STXBP5L: variants seen among roughly 807,000 people sequenced by gnomAD.
The protein encoded by STXBP5L is syntaxin-binding protein 5-like.
In STXBP5L, 65 loss-of-function variants were observed where a neutral mutation model predicts 144.5. The observed-to-expected ratio is 0.45, with a 90% CI of 0.37 to 0.55. The LOEUF (loss-of-function observed/expected upper bound fraction) is 0.55. Ranked by LOEUF, STXBP5L falls within the 20% of genes least tolerant of loss-of-function variation. The pLI, the probability that STXBP5L is intolerant of heterozygous loss-of-function variation, is 0.00. For missense variants in STXBP5L, 1,298 were observed against 1,405.5 expected (o/e 0.92, Z 1.22); for synonymous variants, 505 against 469.6 (o/e 1.08, Z -0.97).
At chr3:121,210,813 A>G (rs2048532319) in intron 10 of STXBP5L, among the ~76,000 whole-genome samples, 1 of 152,202 alleles carries the variant, frequency 6.6e-6, no homozygotes, top group African/African-American at 2.4e-5. Flanking sequence ...TACTAGTACC[A>G]TGCTGTTTTG....
chr3:121,247,332 G>C (rs1366149077), intron 14 of STXBP5L, among the ~76,000 whole-genome samples: 1 of 152,108 alleles, frequency 6.6e-6, no homozygotes, highest in Non-Finnish European at 1.5e-5. Flanking sequence ...GGCTAATCTA[G>C]TTTCTTTTCT....
intron 2 of STXBP5L, among the ~76,000 whole-genome samples, chr3:120,935,190 C>G (rs890652254): frequency 6.6e-6 from 1 of 150,790 alleles, no homozygotes; most frequent in African/African-American, 2.4e-5. Context: ...AGTGGTTGCC[C>G]TTAGGTTTGC....
At chr3:121,385,495 T>C (rs914589033) in intron 22 of STXBP5L, among the ~76,000 whole-genome samples, 11 of 152,150 alleles carry the variant, frequency 7.2e-5, no homozygotes, top group Admixed American at 2.6e-4. Context: ...ACCTCCAACA[T>C]TGGAGATTAC....
intron 5 of STXBP5L, among the ~76,000 whole-genome samples, chr3:121,091,702 A>T (rs2042807501): frequency 6.6e-6 from 1 of 152,140 alleles, no homozygotes; most frequent in Non-Finnish European, 1.5e-5. Context: ...TAGGTTGCGA[A>T]AATTTTCTCC....
chr3:121,338,569 G>A (rs2044589872), intron 20 of STXBP5L, among the ~76,000 whole-genome samples: 1 of 136,912 alleles, frequency 7.3e-6, no homozygotes, highest in East Asian at 2.1e-4. Flanking sequence ...TCTGAACCTG[G>A]GAGGCAGAGG....
chr3:121,037,122 G>T (rs1252170925), intron 3 of STXBP5L, among the ~76,000 whole-genome samples: 2 of 151,642 alleles, frequency 1.3e-5, no homozygotes, highest in African/African-American at 4.8e-5. Context: ...TGTAGAGATG[G>T]GGGTCTCACT....
At chr3:121,023,859 C>T (rs1007141255) in intron 3 of STXBP5L, among the ~76,000 whole-genome samples, 4 of 152,024 alleles carry the variant, frequency 2.6e-5, no homozygotes, top group African/African-American at 9.7e-5. Flanking sequence ...GGGTTCACGC[C>T]ATTCTCCTAC....
chr3:121,287,567 A>T (rs2051273896), intron 19 of STXBP5L, among the ~76,000 whole-genome samples: 1 of 152,058 alleles, frequency 6.6e-6, no homozygotes, highest in African/African-American at 2.4e-5. Flanking sequence ...GCGGTGGCTC[A>T]TGCCTGTAAT....
chr3:121,319,447 T>C (rs2043896165), intron 20 of STXBP5L, among the ~76,000 whole-genome samples: 1 of 152,184 alleles, frequency 6.6e-6, no homozygotes, highest in Non-Finnish European at 1.5e-5. Context: ...AGTTCTTTAT[T>C]CTTATTCTTC....
chr3:121,381,235 A>C (rs2046314599), intron 21 of STXBP5L, 58 bp from the exon 22 acceptor site: 41 of 1,474,722 alleles, frequency 2.8e-5, no homozygotes, highest in Non-Finnish European at 3.7e-5. Context: ...ATTAAATCTG[A>C]TGTTATTGTG....
chr3:120,954,389 T>C (rs1937790856), intron 2 of STXBP5L, among the ~76,000 whole-genome samples: 1 of 152,130 alleles, frequency 6.6e-6, no homozygotes, highest in Non-Finnish European at 1.5e-5. Flanking sequence ...CAATAACTCT[T>C]CAAGACAACT....
chr3:121,121,883 G>C (rs888139675), intron 7 of STXBP5L, among the ~76,000 whole-genome samples, 179 bp downstream of exon 7: 2 of 150,978 alleles, frequency 1.3e-5, no homozygotes, highest in Non-Finnish European at 3.0e-5. Flanking sequence ...TCATGCTACT[G>C]ATGGTCCCAA....
At chr3:121,200,928 G>A (rs544851072) in intron 9 of STXBP5L, among the ~76,000 whole-genome samples, 5 of 152,238 alleles carry the variant, frequency 3.3e-5, no homozygotes, top group South Asian at 4.1e-4. Context: ...TAGAATAAGT[G>A]TTATGTGGCA....
intron 5 of STXBP5L, among the ~76,000 whole-genome samples, chr3:121,107,613 A>T (rs1159242126): frequency 6.6e-6 from 1 of 152,010 alleles, no homozygotes; most frequent in African/African-American, 2.4e-5. Flanking sequence ...TGGTTACTAT[A>T]GCCTTGTGGT....
At chr3:120,977,401 A>G (rs1576547018) in intron 3 of STXBP5L, among the ~76,000 whole-genome samples, 1 of 151,976 alleles carries the variant, frequency 6.6e-6, no homozygotes, top group Non-Finnish European at 1.5e-5. Flanking sequence ...TTGCTTGTAG[A>G]TCTTCCTTCA....
intron 3 of STXBP5L, among the ~76,000 whole-genome samples, chr3:120,979,058 A>T (rs982048913): frequency 3.3e-5 from 5 of 152,186 alleles, no homozygotes; most frequent in Admixed American, 3.3e-4. Context: ...TGCTCGGAGA[A>T]CCACTGCTCT....
chr3:121,031,412 C>CAATG (rs1946362254), intron 3 of STXBP5L, among the ~76,000 whole-genome samples: 1 of 151,676 alleles, frequency 6.6e-6, no homozygotes, highest in Non-Finnish European at 1.5e-5. Flanking sequence ...ATCAATCAAT[C>CAATG]AATCAACTAT....
intron 14 of STXBP5L, among the ~76,000 whole-genome samples, chr3:121,245,794 A>G (rs2049830348): frequency 2.0e-5 from 3 of 152,342 alleles, no homozygotes; most frequent in Admixed American, 6.5e-5. Context: ...ATATGAAGCA[A>G]ACATTGACAA....
intron 5 of STXBP5L, among the ~76,000 whole-genome samples, chr3:121,083,007 C>T (rs755432739): frequency 6.6e-6 from 1 of 151,950 alleles, no homozygotes; most frequent in Non-Finnish European, 1.5e-5. Context: ...GACATCCTGG[C>T]CAACATGGTG....
Sources: gnomAD v4.1 joint callset for allele counts (sites outside exome capture counted in the v4.1 genomes callset) on GRCh38, gnomAD v4.1.1 for gene constraint, MANE v1.5 for transcripts, NCBI Gene and HGNC (gene_info 2026-07-23, HGNC 2026-07-21) for gene names.